EPHA6: variants seen among roughly 807,000 people sequenced by gnomAD.
EPHA6 encodes the protein ephrin type-A receptor 6.
Under a neutral mutation model 112.0 loss-of-function variants are expected in EPHA6, and 50 were observed. The observed-to-expected ratio is 0.45, with a 90% CI of 0.36 to 0.56. The LOEUF (loss-of-function observed/expected upper bound fraction) is 0.56. Among genes scored for constraint, EPHA6 ranks in the 20% least tolerant of loss-of-function variants. EPHA6 has a pLI of 0.00. For synonymous variants in EPHA6, 529 were observed against 490.7 expected (o/e 1.08, Z -1.03); for missense variants, 1,280 against 1,417.4 (o/e 0.90, Z 1.56).
chr3:97,216,541 T>C (rs2078039565), intron 3 of EPHA6, among the ~76,000 whole-genome samples: 1 of 152,238 alleles, frequency 6.6e-6, no homozygotes. Context: ...GTATGACTAC[T>C]TCAGGGGGAT....
rs1480524743 is a variant in EPHA6, at chr3:97,756,572, C to A, written c.*7871C>A. On this transcript the variant is annotated 3_prime_UTR_variant, in exon 18 of 18. Coordinates refer to ENST00000389672, the MANE Select transcript of EPHA6 (RefSeq NM_001080448.3). ...TTTATTTTAATGTACTCTTTCTTCCCATGCTAGATATGTCTTCAAAGAAAA... is the reference window on the plus strand; with the variant it reads ...TTTATTTTAATGTACTCTTTCTTCCAATGCTAGATATGTCTTCAAAGAAAA... 1.3e-5 allele frequency among the ~76,000 whole-genome samples: 2 copies of A among 151,800 alleles called. No homozygotes were observed. Among genetic ancestry groups the A allele is most frequent in the Non-Finnish European group, 3.0e-5 (2 of 67,788 alleles).
intron 3 of EPHA6, among the ~76,000 whole-genome samples, chr3:97,180,485 G>C (rs2076958061): frequency 6.6e-6 from 1 of 152,048 alleles, no homozygotes; most frequent in Non-Finnish European, 1.5e-5. Context: ...CACTTGTTAT[G>C]TGCTCAGTCT....
At chr3:96,983,244 C>T (rs1257466342) in intron 2 of EPHA6, among the ~76,000 whole-genome samples, 1 of 152,132 alleles carries the variant, frequency 6.6e-6, no homozygotes, top group Non-Finnish European at 1.5e-5. Context: ...GTAGGGCAGG[C>T]CTGCTGGTGA....
chr3:96,865,546 G>T (rs955498526), intron 1 of EPHA6, among the ~76,000 whole-genome samples: 1 of 151,884 alleles, frequency 6.6e-6, no homozygotes. Context: ...GCTGGGCACA[G>T]TGGTGCGTGC....
chr3:97,280,579 A>G (rs946467361), intron 5 of EPHA6, among the ~76,000 whole-genome samples: 2 of 151,952 alleles, frequency 1.3e-5, no homozygotes, highest in African/African-American at 4.8e-5. Context: ...GTTGAACTGG[A>G]TTATCTCTAT....
intron 3 of EPHA6, among the ~76,000 whole-genome samples, chr3:97,173,996 A>G (rs1218428861): frequency 6.6e-6 from 1 of 151,026 alleles, no homozygotes; most frequent in Non-Finnish European, 1.5e-5. Flanking sequence ...TATTTTTTTT[A>G]CCCATTAACC....
At chr3:97,097,898 G>A (rs540357383) in intron 3 of EPHA6, among the ~76,000 whole-genome samples, 2 of 152,028 alleles carry the variant, frequency 1.3e-5, no homozygotes, top group East Asian at 1.9e-4. Context: ...GAGTAATGAT[G>A]TGGGTGAGAA....
At chr3:97,188,009 G>T (rs1379669576) in intron 3 of EPHA6, among the ~76,000 whole-genome samples, 3 of 152,126 alleles carry the variant, frequency 2.0e-5, no homozygotes, top group Non-Finnish European at 4.4e-5. Context: ...GCCAAAATCA[G>T]AACTCTCATT....
rs1005733823 is a variant in EPHA6 at position 97,752,445 on chromosome 3, A to C, written c.*3744A>C. On this transcript the variant is annotated 3_prime_UTR_variant, in exon 18 of 18. Coordinates refer to ENST00000389672, the MANE Select transcript of EPHA6 (RefSeq NM_001080448.3). ...TTCTTTCTTTTCTCCTCTTTTAATA[A>C]ATTTTCTAAAACTTTCTCAGCCCTG... is the stretch of plus-strand genomic sequence containing the variant. 30 of 221,878 alleles carry C rather than the reference A, an allele frequency of 1.4e-4. No individual in the cohort carries two copies. Among genetic ancestry groups the C allele is most frequent in the Non-Finnish European group, 1.7e-4 (19 of 110,994 alleles). The allele number at this position is 221,878 out of a possible 1,614,324, so 13.7% of individuals were successfully genotyped here.
chr3:97,667,616 A>G (rs1339152112), intron 14 of EPHA6, among the ~76,000 whole-genome samples: 2 of 152,356 alleles, frequency 1.3e-5, no homozygotes, highest in East Asian at 3.9e-4. Context: ...AAATTATCAT[A>G]CAATACATTT....
chr3:97,257,247 A>T (rs535661778), intron 5 of EPHA6, among the ~76,000 whole-genome samples: 110 of 152,082 alleles, frequency 7.2e-4, no homozygotes, highest in African/African-American at 2.5e-3. Flanking sequence ...ATGATCTAAA[A>T]AAATTACAAA....
chr3:97,731,041 G>A (rs559857695), intron 15 of EPHA6, among the ~76,000 whole-genome samples: 29 of 152,198 alleles, frequency 1.9e-4, no homozygotes, highest in Non-Finnish European at 4.0e-4. Flanking sequence ...TCATTGTATC[G>A]TGGGGGATGA....
chr3:97,261,234 C>T (rs1463626324), intron 5 of EPHA6, among the ~76,000 whole-genome samples: 2 of 152,110 alleles, frequency 1.3e-5, no homozygotes, highest in Non-Finnish European at 2.9e-5. Context: ...TGAAAAAGGA[C>T]TTCCCTCTAA....
At chr3:97,259,018 C>T (rs1301540182) in intron 5 of EPHA6, among the ~76,000 whole-genome samples, 1 of 152,110 alleles carries the variant, frequency 6.6e-6, no homozygotes, top group Non-Finnish European at 1.5e-5. Flanking sequence ...GCTAGAGGCT[C>T]TACATTGTAA....
intron 4 of EPHA6, among the ~76,000 whole-genome samples, chr3:97,228,578 TTA>T (rs34508672): frequency 6.7e-5 from 10 of 149,536 alleles, no homozygotes; most frequent in African/African-American, 1.7e-4. Flanking sequence ...CATATAAATG[TTA>T]TATATATATA....
In EPHA6 at chr3:97,422,552, G is replaced by A. The variant is rs145842418; in HGVS notation, c.1731+17278G>A. On this transcript the variant is annotated intron_variant, in intron 6 of 17. Transcript: ENST00000389672. Reference sequence around the variant, plus strand: ...ATTGAAATAGAAAACTTGCAAAGATGTTTGAGACGTAAAATCAGCACTTGA... The same window carrying A: ...ATTGAAATAGAAAACTTGCAAAGATATTTGAGACGTAAAATCAGCACTTGA... Among the ~76,000 whole-genome samples the A allele has an allele frequency of 7.8e-4, 118 of 152,236 alleles. 1 individual carries two copies. Among genetic ancestry groups the A allele is most frequent in the African/African-American group, 2.6e-3 (109 of 41,550 alleles).
At chr3:97,417,742 G>A (rs1040233597) in intron 6 of EPHA6, among the ~76,000 whole-genome samples, 7 of 152,154 alleles carry the variant, frequency 4.6e-5, no homozygotes, top group Non-Finnish European at 1.0e-4. Context: ...CCACTGGCTA[G>A]GAGGGAGAAT....
At chr3:96,943,597 A>C (rs2041094539) in intron 2 of EPHA6, among the ~76,000 whole-genome samples, 1 of 152,250 alleles carries the variant, frequency 6.6e-6, no homozygotes, top group East Asian at 1.9e-4. Context: ...TTAAAAACAT[A>C]AGCAGTTAAC....
At chr3:97,084,116 A>G (rs1307512570) in intron 3 of EPHA6, among the ~76,000 whole-genome samples, 4 of 119,070 alleles carry the variant, frequency 3.4e-5, no homozygotes, top group African/African-American at 1.4e-4. Context: ...ATATATATAT[A>G]TATATATGGA....
Sources: gnomAD v4.1 joint callset for allele counts (sites outside exome capture counted in the v4.1 genomes callset) on GRCh38, gnomAD v4.1.1 for gene constraint, MANE v1.5 for transcripts, NCBI Gene and HGNC (gene_info 2026-07-23, HGNC 2026-07-21) for gene names.